The following EFCAB3 variants were observed in gnomAD, a reference collection of about 807,000 sequenced individuals.
EFCAB3 encodes the protein EF-hand calcium binding domain 3.
A neutral mutation model predicts 42.2 loss-of-function variants in EFCAB3; 36 were observed. That is an observed-to-expected ratio of 0.85 (90% CI 0.65 to 1.13). The LOEUF is 1.13. Among genes scored for constraint, EFCAB3 ranks in the 50% most tolerant of loss-of-function variants. The pLI is 0.00. For synonymous variants in EFCAB3, 170 were observed against 172.8 expected (o/e 0.98, Z 0.13); for missense variants, 418 against 505.1 (o/e 0.83, Z 1.65).
chr17:62,393,553 G>A lies in EFCAB3; in HGVS notation c.296-20G>A. Reference sequence around the variant, plus strand: ...AAAATACATCTTATCCTTGTCCTGAGTCTCAGATTTTTGTTGCAGGAGATG... The same window carrying A: ...AAAATACATCTTATCCTTGTCCTGAATCTCAGATTTTTGTTGCAGGAGATG... On this transcript the variant is annotated intron_variant, in intron 4 of 9. Coordinates refer to ENST00000305286, the MANE Select transcript of EFCAB3 (RefSeq NM_173503.4). The A allele has an allele frequency of 6.2e-7, 1 of 1,601,666 alleles. No individual in the cohort carries two copies. The highest frequency in any genetic ancestry group is 2.2e-5 in the East Asian group (1 of 44,808).
intron 9 of EFCAB3, among the ~76,000 whole-genome samples, 189 bp downstream of exon 9, chr17:62,414,043 T>C (rs1483627111): frequency 1.3e-5 from 2 of 152,248 alleles, no homozygotes; most frequent in Non-Finnish European, 2.9e-5. Flanking sequence ...ATTCAAATGT[T>C]AAGTGTTATG....
At chr17:62,388,030 T>G (rs560452883) in intron 3 of EFCAB3, among the ~76,000 whole-genome samples, 1 of 152,060 alleles carries the variant, frequency 6.6e-6, no homozygotes, top group African/African-American at 2.4e-5. Flanking sequence ...GCCAATATGG[T>G]GAAACCTTGT....
At chr17:62,389,849 C>T (rs1450692717) in intron 3 of EFCAB3, among the ~76,000 whole-genome samples, 2 of 151,972 alleles carry the variant, frequency 1.3e-5, no homozygotes, top group East Asian at 3.9e-4. Context: ...TGCAGTGGTG[C>T]CATCTCGGCT....
upstream of EFCAB3, chr17:62,378,051 A>C (rs2070164104): frequency 6.6e-7 from 1 of 1,521,620 alleles, no homozygotes. Context: ...AGCCATTGTA[A>C]AGATGGGGCT....
At chr17:62,394,219 C>T (rs941805061) in intron 5 of EFCAB3, among the ~76,000 whole-genome samples, 4 of 152,210 alleles carry the variant, frequency 2.6e-5, no homozygotes, top group African/African-American at 9.6e-5. Context: ...TCCCAAAGTG[C>T]TGGGATTACA....
intron 8 of EFCAB3, 120 bp from the exon 9 acceptor site, chr17:62,413,612 T>C (rs1290778008): frequency 3.0e-6 from 3 of 991,492 alleles, no homozygotes; most frequent in Admixed American, 3.2e-5. Flanking sequence ...GGTTTGGCAA[T>C]AACCTTATAA....
chr17:62,415,889 T>G, intron 9 of EFCAB3, 114 bp from the exon 10 acceptor site: 1 of 880,486 alleles, frequency 1.1e-6, no homozygotes, highest in Non-Finnish European at 1.7e-6. Context: ...AATGTATAGA[T>G]TCAGTGACTT....
rs764513877 is a variant in EFCAB3 at position 62,383,031 on chromosome 17, G to T, written c.52G>T (p.Val18Leu). 10 of 1,613,166 alleles carry T rather than the reference G, an allele frequency of 6.2e-6. No homozygotes were observed. The East Asian group carries it at 2.0e-4, about 32-fold the overall frequency. The change falls in exon 2 of 10, where the codon GTA becomes TTA. Residue 18 changes from valine (V) to leucine (L), a missense_variant. Coordinates refer to ENST00000305286, the MANE Select transcript of EFCAB3 (RefSeq NM_173503.4). ...ACTTAAGCTGAATCCTCTAACAAAA[G>T]TACCCATCTCCCACAATAAAAGGTA... ...PKLKLNPLTK[V>L]PISHNKRDRD...
chr17:62,384,814 G>A (rs943681997), intron 2 of EFCAB3, among the ~76,000 whole-genome samples: 1 of 152,150 alleles, frequency 6.6e-6, no homozygotes, highest in Admixed American at 6.5e-5. Context: ...AAAGCCATAT[G>A]CATCTGGTAG....
At position 62,373,791 on chromosome 17, in the gene EFCAB3, A is replaced by G. The variant is rs988988178; in HGVS notation, c.35-23A>G. The G allele has an allele frequency of 3.4e-6, 5 of 1,450,064 alleles. No individual in the cohort carries two copies. In the African/African-American group the frequency reaches 7.1e-5, roughly 21 times the overall value. The allele number at this position is 1,450,064 out of a possible 1,614,324, so 89.8% of individuals were successfully genotyped here. On this transcript the variant is annotated intron_variant, in intron 1 of 11. Transcript: ENST00000450662. ...TGAATTTTTATGTGACTGCCTCTGTATCTAAACCAAAATGTTTTACAGGAA... is the reference window on the plus strand; with the variant it reads ...TGAATTTTTATGTGACTGCCTCTGTGTCTAAACCAAAATGTTTTACAGGAA...
chr17:62,378,009 G>A, upstream of EFCAB3: 2 of 1,549,560 alleles, frequency 1.3e-6, no homozygotes, highest in Non-Finnish European at 1.7e-6. Context: ...AACTGCAAAT[G>A]ATATTAAAGG....
At chr17:62,402,880 G>T (rs965991439) in intron 6 of EFCAB3, among the ~76,000 whole-genome samples, 2 of 152,144 alleles carry the variant, frequency 1.3e-5, no homozygotes, top group Admixed American at 6.5e-5. Flanking sequence ...GCTCCTCTTT[G>T]TACCTCTGGT....
intron 2 of EFCAB3, chr17:62,373,911 C>A: frequency 4.0e-6 from 4 of 993,522 alleles, no homozygotes; most frequent in South Asian, 3.2e-5. Context: ...TAATCTGATG[C>A]TATATGTGTA....
chr17:62,401,523 C>T (rs539517244), intron 6 of EFCAB3, among the ~76,000 whole-genome samples: 1 of 152,258 alleles, frequency 6.6e-6, no homozygotes, highest in African/African-American at 2.4e-5. Context: ...CCAGTTTTCC[C>T]AGCACCATTT....
At chr17:62,413,680 A>G in intron 8 of EFCAB3, 52 bp from the exon 9 acceptor site, 1 of 1,404,382 alleles carries the variant, frequency 7.1e-7, no homozygotes, top group Non-Finnish European at 9.7e-7. Flanking sequence ...TTTTTGTTGT[A>G]TAATTCAAAT....
At chr17:62,388,071 G>A (rs938086545) in intron 3 of EFCAB3, among the ~76,000 whole-genome samples, 15 of 152,108 alleles carry the variant, frequency 9.9e-5, no homozygotes, top group Non-Finnish European at 2.1e-4. Flanking sequence ...TTAGCTGAGC[G>A]TGGTGGCGGG....
Position 62,393,610 on chromosome 17 carries a change from T to G in EFCAB3, c.333T>G (p.Val111=), listed in dbSNP as rs1164116728. 1.2e-6 allele frequency: 2 copies of G among 1,614,150 alleles called. No homozygotes were observed. Among genetic ancestry groups the G allele is most frequent in the Admixed American group, 3.3e-5 (2 of 60,008 alleles). ...GKVNFSDFIK[V]LTDKNLFLKA... ...TGAACTTCTCAGACTTTATCAAGGT[T>G]CTAACAGATAAGAATCTCTTCCTCA... Residue 111 remains valine (V), a synonymous_variant, in exon 5 of 10, where the codon GTT becomes GTG. Coordinates refer to ENST00000305286, the MANE Select transcript of EFCAB3 (RefSeq NM_173503.4).
At chr17:62,389,873 G>A (rs935763216) in intron 3 of EFCAB3, among the ~76,000 whole-genome samples, 2 of 151,362 alleles carry the variant, frequency 1.3e-5, no homozygotes, top group African/African-American at 2.4e-5. Context: ...TGCAAGCTCC[G>A]CCTCCCAGGT....
At chr17:62,400,761 G>A (rs932779271) in intron 6 of EFCAB3, among the ~76,000 whole-genome samples, 2 of 152,110 alleles carry the variant, frequency 1.3e-5, no homozygotes, top group Admixed American at 6.6e-5. Context: ...GGATTGCTGG[G>A]TCAAATGGTA....
Sources: allele counts gnomAD v4.1 joint callset (sites outside exome capture counted in the v4.1 genomes callset), GRCh38; gene constraint gnomAD v4.1.1; transcripts MANE v1.5; gene names NCBI Gene and HGNC (gene_info 2026-07-23, HGNC 2026-07-21).